FSTL4: variants seen among roughly 807,000 people sequenced by gnomAD.
FSTL4 encodes the protein follistatin like 4.
In FSTL4, 28 loss-of-function variants were observed where a neutral mutation model predicts 78.2. That is an observed-to-expected ratio of 0.36 (90% CI 0.27 to 0.49). The LOEUF (loss-of-function observed/expected upper bound fraction) is 0.49, where lower values mean the gene tolerates loss of function less well. Among genes scored for constraint, FSTL4 ranks in the 20% least tolerant of loss-of-function variants. FSTL4 has a pLI of 0.98. For missense variants in FSTL4, 922 were observed against 1,084.9 expected, an observed-to-expected ratio of 0.85 and a Z score of 2.11; for synonymous variants, 422 against 440.5, an observed-to-expected ratio of 0.96 and a Z score of 0.53.
chr5:133,675,333 T>G, the FSTL4 span, among the ~76,000 whole-genome samples: 1 of 152,220 alleles, frequency 6.6e-6, no homozygotes, highest in East Asian at 1.9e-4. Context: ...AAGAGATTTG[T>G]TGCCAATATC....
the FSTL4 span, among the ~76,000 whole-genome samples, chr5:133,646,953 T>C: frequency 3.3e-5 from 5 of 152,170 alleles, no homozygotes; most frequent in Non-Finnish European, 7.3e-5. Context: ...AAGGTGTTAC[T>C]GGAACCATTG....
chr5:133,341,012 C>T (rs553564186), intron 4 of FSTL4, among the ~76,000 whole-genome samples: 8 of 151,984 alleles, frequency 5.3e-5, no homozygotes, highest in African/African-American at 1.7e-4. Flanking sequence ...GGCCCAGGTG[C>T]GGGGTGCCTG....
the FSTL4 span, among the ~76,000 whole-genome samples, chr5:133,746,934 C>CA: frequency 6.6e-6 from 1 of 152,184 alleles, no homozygotes; most frequent in Non-Finnish European, 1.5e-5. Flanking sequence ...GATGAAGTAA[C>CA]AAGCATACTT....
At chr5:133,453,701 G>C (rs1757426713) in intron 3 of FSTL4, among the ~76,000 whole-genome samples, 1 of 152,198 alleles carries the variant, frequency 6.6e-6, no homozygotes, top group Admixed American at 6.5e-5. Flanking sequence ...CCAAGCAAGG[G>C]CACTGATCCC....
chr5:133,768,535 C>T, the FSTL4 span, among the ~76,000 whole-genome samples: 1 of 152,210 alleles, frequency 6.6e-6, no homozygotes, highest in Admixed American at 6.5e-5. Flanking sequence ...AGAGACCTCC[C>T]TGAATAGGCA....
At chr5:133,664,319 T>A in the FSTL4 span, among the ~76,000 whole-genome samples, 15,398 of 135,058 alleles carry the variant, frequency 0.11, 1,532 homozygotes, top group African/African-American at 0.32. Flanking sequence ...TCTTTTTTTT[T>A]TAAAAAAAAT....
Position 133,253,411 on chromosome 5 carries a change from C to T in FSTL4, c.728-3835G>A, listed in dbSNP as rs140067537. 5.8e-3 allele frequency among the ~76,000 whole-genome samples: 890 copies of T among 152,344 alleles called. 3 individuals carry two copies. The highest frequency in any genetic ancestry group is 8.2e-3 in the Non-Finnish European group (559 of 68,030). Reference sequence around the variant, plus strand: ...CTGGGCCTCAGTTTAGACATGGATACAATGAGGGCTTGGGCCCCCCTCGCT... The same window carrying T: ...CTGGGCCTCAGTTTAGACATGGATATAATGAGGGCTTGGGCCCCCCTCGCT... On this transcript the variant is annotated intron_variant, in intron 6 of 15. Transcript: ENST00000265342.
rs187849937 is a variant in FSTL4 at position 133,285,185 on chromosome 5, G to A, written c.727+27469C>T. Among the ~76,000 whole-genome samples, 7 of 152,362 alleles carry A rather than the reference G, an allele frequency of 4.6e-5. No homozygotes were observed. In the East Asian group the frequency reaches 1.3e-3, roughly 29 times the overall value. On this transcript the variant is annotated intron_variant, in intron 6 of 15. Coordinates refer to ENST00000265342, the MANE Select transcript of FSTL4 (RefSeq NM_015082.2). ...TTTGCACAAAGTTTATTTGTCTTCT[G>A]ATTATAAATGGGCAGGGCACTGTTT...
chr5:133,830,513 C>G, the FSTL4 span, among the ~76,000 whole-genome samples: 1 of 152,206 alleles, frequency 6.6e-6, no homozygotes. Flanking sequence ...GCCCAGCCTC[C>G]CAGAGCCAGG....
chr5:133,368,070 C>G lies in FSTL4; in HGVS notation c.409+32668G>C, dbSNP rs183060216. On this transcript the variant is annotated intron_variant, in intron 4 of 15. Coordinates refer to ENST00000265342, the MANE Select transcript of FSTL4 (RefSeq NM_015082.2). ...GGGAGTTCTGGCCTTTGCCCCCTGC[C>G]CCTGGGAGGGGATTGCTAAGCCCTT... 3.9e-3 allele frequency among the ~76,000 whole-genome samples: 595 copies of G among 152,378 alleles called. 2 individuals are homozygous for G. The highest frequency in any genetic ancestry group is 0.014 in the African/African-American group (569 of 41,592).
chr5:133,473,270 C>T (rs1368073775), intron 3 of FSTL4, among the ~76,000 whole-genome samples: 1 of 152,142 alleles, frequency 6.6e-6, no homozygotes, highest in Non-Finnish European at 1.5e-5. Context: ...ACAGGTGACA[C>T]GTCAAAGCAT....
At chr5:133,540,679 T>C (rs1759447059) in intron 3 of FSTL4, among the ~76,000 whole-genome samples, 1 of 139,390 alleles carries the variant, frequency 7.2e-6, no homozygotes. Flanking sequence ...TTTAACAGTT[T>C]GTCCTCCAGC....
the FSTL4 span, among the ~76,000 whole-genome samples, chr5:133,658,109 T>A: frequency 1.3e-5 from 2 of 152,164 alleles, no homozygotes; most frequent in Non-Finnish European, 2.9e-5. Context: ...GATTTTTTAA[T>A]GCTTACACTT....
At chr5:133,831,866 C>T in the FSTL4 span, among the ~76,000 whole-genome samples, 3 of 152,188 alleles carry the variant, frequency 2.0e-5, no homozygotes, top group Admixed American at 6.5e-5. Flanking sequence ...GGATGGGATT[C>T]GCAAGCTGGC....
chr5:133,350,663 G>A (rs1372355530), intron 4 of FSTL4, among the ~76,000 whole-genome samples: 1 of 152,202 alleles, frequency 6.6e-6, no homozygotes, highest in African/African-American at 2.4e-5. Flanking sequence ...TACAGAGGCG[G>A]GTGATCCAGA....
chr5:133,245,964 C>T (rs1213540470), intron 7 of FSTL4, among the ~76,000 whole-genome samples: 1 of 152,202 alleles, frequency 6.6e-6, no homozygotes, highest in East Asian at 1.9e-4. Context: ...GAATTCTTAA[C>T]AGATAAGACA....
intron 4 of FSTL4, among the ~76,000 whole-genome samples, chr5:133,398,239 T>C (rs916284625): frequency 1.6e-4 from 24 of 152,140 alleles, no homozygotes; most frequent in Admixed American, 1.1e-3. Flanking sequence ...GCACTCCCTA[T>C]GGGAATGATC....
At chr5:133,271,440 C>T (rs878868438) in intron 6 of FSTL4, among the ~76,000 whole-genome samples, 1 of 152,164 alleles carries the variant, frequency 6.6e-6, no homozygotes, top group Non-Finnish European at 1.5e-5. Flanking sequence ...ATTCTCAGCC[C>T]AGCCGAGGGA....
intron 3 of FSTL4, among the ~76,000 whole-genome samples, chr5:133,467,601 G>A (rs780150026): frequency 2.6e-5 from 4 of 152,182 alleles, no homozygotes; most frequent in Non-Finnish European, 4.4e-5. Context: ...CAGAGGGTGG[G>A]CCTGAGTCAA....
Sources: gnomAD v4.1 joint callset for allele counts (sites outside exome capture counted in the v4.1 genomes callset) on GRCh38, gnomAD v4.1.1 for gene constraint, MANE v1.5 for transcripts, NCBI Gene and HGNC (gene_info 2026-07-23, HGNC 2026-07-21) for gene names.